TAFA1: variants seen among roughly 807,000 people sequenced by gnomAD.
The protein encoded by TAFA1 is chemokine-like protein TAFA-1.
In TAFA1, 4 loss-of-function variants were observed where a neutral mutation model predicts 18.5. The observed-to-expected ratio is 0.22, with a 90% CI of 0.11 to 0.49. The LOEUF is 0.49. Among genes scored for constraint, TAFA1 ranks in the 20% least tolerant of loss-of-function variants. The pLI is 0.98. For missense variants in TAFA1, 147 were observed against 169.0 expected, an observed-to-expected ratio of 0.87 and a Z score of 0.72; for synonymous variants, 56 against 55.2, an observed-to-expected ratio of 1.01 and a Z score of -0.06.
chr3:68,523,187 A>G (rs912192618), intron 3 of TAFA1, among the ~76,000 whole-genome samples: 1 of 152,222 alleles, frequency 6.6e-6, no homozygotes, highest in Non-Finnish European at 1.5e-5. Context: ...GGCAAACTGG[A>G]GAACATGAAC....
At chr3:68,501,771 A>G (rs1461314231) in intron 3 of TAFA1, among the ~76,000 whole-genome samples, 3 of 152,192 alleles carry the variant, frequency 2.0e-5, no homozygotes, top group African/African-American at 7.2e-5. Flanking sequence ...TGGGGGAATG[A>G]ATCTCTTTTA....
At chr3:68,462,436 C>T (rs552230834) in intron 3 of TAFA1, among the ~76,000 whole-genome samples, 22 of 152,156 alleles carry the variant, frequency 1.4e-4, no homozygotes, top group South Asian at 4.2e-4. Flanking sequence ...CCATGTAAGA[C>T]GTGAATTTGC....
chr3:68,032,656 C>T (rs539518751), intron 2 of TAFA1, among the ~76,000 whole-genome samples: 9 of 152,246 alleles, frequency 5.9e-5, no homozygotes, highest in African/African-American at 2.2e-4. Context: ...TCCCTTCCCA[C>T]TCCTCCTTCT....
intron 3 of TAFA1, among the ~76,000 whole-genome samples, chr3:68,477,345 A>T (rs1050946750): frequency 6.6e-6 from 1 of 152,062 alleles, no homozygotes; most frequent in Non-Finnish European, 1.5e-5. Flanking sequence ...AGTAGATTCC[A>T]GCTTGGGACT....
At chr3:68,471,243 C>T (rs924699709) in intron 3 of TAFA1, among the ~76,000 whole-genome samples, 3 of 152,190 alleles carry the variant, frequency 2.0e-5, no homozygotes, top group Non-Finnish European at 4.4e-5. Context: ...GCAGGGCCCT[C>T]ATGGAGAACC....
At chr3:68,343,789 G>A (rs562519326) in intron 2 of TAFA1, among the ~76,000 whole-genome samples, 21 of 152,228 alleles carry the variant, frequency 1.4e-4, no homozygotes, top group Non-Finnish European at 2.9e-4. Flanking sequence ...TATAGAACAA[G>A]AAAAAAGAAT....
chr3:68,137,293 C>T (rs1160209661), intron 2 of TAFA1, among the ~76,000 whole-genome samples: 1 of 150,156 alleles, frequency 6.7e-6, no homozygotes, highest in Non-Finnish European at 1.5e-5. Context: ...GTTGTTCTTT[C>T]AATTTTATAA....
intron 2 of TAFA1, among the ~76,000 whole-genome samples, chr3:68,266,572 C>G (rs2067550887): frequency 6.6e-6 from 1 of 151,944 alleles, no homozygotes; most frequent in Non-Finnish European, 1.5e-5. Flanking sequence ...CTCCCTTTAC[C>G]GAGACTTGTT....
At chr3:68,424,081 AT>A (rs2071010006) in intron 3 of TAFA1, among the ~76,000 whole-genome samples, 1 of 152,060 alleles carries the variant, frequency 6.6e-6, no homozygotes, top group African/African-American at 2.4e-5. Flanking sequence ...AAACAAACAA[AT>A]AAAAAAACCC....
chr3:68,197,190 G>T (rs1379400509), intron 2 of TAFA1, among the ~76,000 whole-genome samples: 2 of 151,702 alleles, frequency 1.3e-5, no homozygotes, highest in East Asian at 3.9e-4. Context: ...GTTAAGTATT[G>T]CCAATACAGG....
chr3:68,360,842 A>G (rs56011435), intron 2 of TAFA1, among the ~76,000 whole-genome samples: 16,420 of 152,016 alleles, frequency 0.11, 1,060 homozygotes, highest in East Asian at 0.27. Context: ...TGGTACTCTA[A>G]TGAAAACTAG....
chr3:68,091,718 C>T (rs1035268407), intron 2 of TAFA1, among the ~76,000 whole-genome samples: 1 of 152,114 alleles, frequency 6.6e-6, no homozygotes, highest in South Asian at 2.1e-4. Context: ...GAGCCAGCCT[C>T]ACACATGCAG....
chr3:68,056,859 G>A (rs1401664161), intron 2 of TAFA1, among the ~76,000 whole-genome samples: 2 of 152,150 alleles, frequency 1.3e-5, no homozygotes, highest in Admixed American at 6.6e-5. Flanking sequence ...CAGGAATTTG[G>A]TGGGAGACTC....
In TAFA1 at chr3:68,201,014, ACTT is replaced by A. The variant is rs142900991; in HGVS notation, c.118+194273_118+194275del. 5.2e-3 allele frequency among the ~76,000 whole-genome samples: 791 copies of A among 151,608 alleles called. 6 individuals carry two copies. Among genetic ancestry groups the A allele is most frequent in the African/African-American group, 0.018 (747 of 41,436 alleles). Reference sequence around the variant, plus strand: ...TCAATATATGCATTCAATGCTGTAAACTTCTCTCTTATGTCTGCTTTGACTGTA... The same window carrying A: ...TCAATATATGCATTCAATGCTGTAAACTCTCTTATGTCTGCTTTGACTGTA... On this transcript the variant is annotated intron_variant, in intron 2 of 4. Transcript: ENST00000478136.
intron 3 of TAFA1, among the ~76,000 whole-genome samples, chr3:68,535,476 A>G (rs984048783): frequency 2.0e-5 from 3 of 152,014 alleles, no homozygotes; most frequent in African/African-American, 4.8e-5. Flanking sequence ...CCATAATATT[A>G]CGTTGTCTTA....
chr3:68,363,989 G>A (rs1449031223), intron 2 of TAFA1, among the ~76,000 whole-genome samples: 1 of 152,164 alleles, frequency 6.6e-6, no homozygotes, highest in African/African-American at 2.4e-5. Flanking sequence ...GGATTTGGTG[G>A]CTTGAAAGCA....
intron 2 of TAFA1, among the ~76,000 whole-genome samples, chr3:68,374,007 A>G (rs1185005999): frequency 1.3e-5 from 2 of 152,166 alleles, no homozygotes; most frequent in African/African-American, 2.4e-5. Flanking sequence ...TATTATAAGG[A>G]AATACAATGT....
At chr3:67,993,313 G>T in the TAFA1 span, among the ~76,000 whole-genome samples, 2 of 152,188 alleles carry the variant, frequency 1.3e-5, no homozygotes, top group African/African-American at 4.8e-5. Context: ...AGACTCTTAA[G>T]TTTCTGGCCG....
intron 2 of TAFA1, among the ~76,000 whole-genome samples, chr3:68,257,932 G>A (rs2067330614): frequency 6.6e-6 from 1 of 151,974 alleles, no homozygotes; most frequent in African/African-American, 2.4e-5. Flanking sequence ...TAACTATAAG[G>A]AAACATCAGA....
Sources: allele counts gnomAD v4.1 joint callset (sites outside exome capture counted in the v4.1 genomes callset), GRCh38; gene constraint gnomAD v4.1.1; transcripts MANE v1.5; gene names NCBI Gene and HGNC (gene_info 2026-07-23, HGNC 2026-07-21).